The following BRCA2 variants were observed in gnomAD, a reference collection of about 807,000 sequenced individuals.
The protein encoded by BRCA2 is BRCA2 DNA repair associated.
A neutral mutation model predicts 276.7 loss-of-function variants in BRCA2; 203 were observed. That is an observed-to-expected ratio of 0.73 (90% CI 0.65 to 0.82). The LOEUF (loss-of-function observed/expected upper bound fraction) is 0.82. BRCA2 is among the 40% of genes least tolerant of loss of function. The pLI is 0.00. For missense variants in BRCA2, 3,920 were observed against 3,915.0 expected (o/e 1.00, Z -0.03); for synonymous variants, 1,289 against 1,338.4 (o/e 0.96, Z 0.81).
At chr13:32,355,837 G>A (rs1183595447) in intron 14 of BRCA2, among the ~76,000 whole-genome samples, 6 of 151,884 alleles carry the variant, frequency 4.0e-5, no homozygotes, top group South Asian at 2.1e-4. Flanking sequence ...CCGAGATCGC[G>A]CCATTGCACT....
rs80358646 is a variant in BRCA2, at chr13:32,338,320, A to G, written c.3965A>G (p.Asn1322Ser). The G allele has an allele frequency of 1.3e-6, 2 of 1,585,318 alleles. No homozygotes were observed. The highest frequency in any genetic ancestry group is 2.2e-5 in the East Asian group (1 of 44,526). ...NYKRNTENEDNKYTAASRNSH... is the reference protein window; with the variant it reads ...NYKRNTENEDSKYTAASRNSH... ...AAGAGAAATACTGAAAATGAAGATA[A>G]CAAATATACTGCTGCCAGTAGAAAT... The change falls in exon 11 of 27, where the codon AAC (asparagine) becomes AGC (serine). Residue 1322 changes from asparagine (N) to serine (S), a missense_variant. Physicochemically the swap from Asn to Ser is conservative, Grantham distance 46. Transcript: ENST00000380152.
intron 24 of BRCA2, among the ~76,000 whole-genome samples, chr13:32,387,593 G>T (rs1420450321): frequency 6.6e-6 from 1 of 152,138 alleles, no homozygotes; most frequent in Non-Finnish European, 1.5e-5. Flanking sequence ...TGGATATTAC[G>T]CAGGCCTGCC....
At position 32,319,192 on chromosome 13, in the gene BRCA2, A is replaced by G. The variant is rs776638534; in HGVS notation, c.183A>G (p.Leu61=). 9 of 1,613,984 alleles carry G rather than the reference A, an allele frequency of 5.6e-6. No individual in the cohort carries two copies. In the African/African-American group the frequency reaches 1.1e-4, roughly 19 times the overall value. ...EHKNNNYEPN[L]FKTPQRKPSY... is the part of the protein sequence containing the mutation. ...AAAACAACAATTACGAACCAAACCT[A>G]TTTAAAACTCCACAAAGGAAACCAT... Residue 61 remains leucine (L), a synonymous_variant, in exon 3 of 27, where the codon CTA becomes CTG. Transcript: ENST00000380152.
chr13:32,385,715 GA>G, intron 24 of BRCA2: 1 of 191,318 alleles, frequency 5.2e-6, no homozygotes, highest in Admixed American at 5.3e-5. Context: ...GAACTGGCAG[GA>G]AAGTATATAG....
At chr13:32,315,078 A>T (rs762121872), upstream of BRCA2, among the ~76,000 whole-genome samples, 18 of 152,096 alleles carry the variant, frequency 1.2e-4, no homozygotes, top group Admixed American at 1.3e-4. Context: ...CCACACACCG[A>T]CCACTCTAAG....
chr13:32,319,364 A>G (rs2138706150), intron 3 of BRCA2, 39 bp downstream of exon 3: 1 of 1,573,458 alleles, frequency 6.4e-7, no homozygotes, highest in Non-Finnish European at 8.7e-7. Flanking sequence ...AGAACTACAA[A>G]CTAGGAATTT....
Position 32,340,085 on chromosome 13 carries a change from T to C in BRCA2, c.5730T>C (p.Asn1910=), listed in dbSNP as rs1555284381. The change falls in exon 11 of 27, where the codon AAT becomes AAC. Residue 1910 remains asparagine, a synonymous_variant. Transcript: ENST00000380152. ...ATATTCTTCATAACTCTCTAGATAA[T>C]GATGAATGTAGCACGCATTCACATA... The part of the protein sequence containing the change: ...SEDILHNSLD[N]DECSTHSHKV... 2 of 1,613,806 alleles carry C rather than the reference T, an allele frequency of 1.2e-6. No individual in the cohort carries two copies.
At chr13:32,361,045 G>A (rs1324917280) in intron 16 of BRCA2, among the ~76,000 whole-genome samples, 1 of 152,200 alleles carries the variant, frequency 6.6e-6, no homozygotes, top group Non-Finnish European at 1.5e-5. Context: ...AAGTGGAGAT[G>A]TTAGGTAGGC....
At chr13:32,389,707 C>A (rs1361076631) in intron 24 of BRCA2, among the ~76,000 whole-genome samples, 1 of 152,134 alleles carries the variant, frequency 6.6e-6, no homozygotes, top group Admixed American at 6.5e-5. Flanking sequence ...TGTGACATAA[C>A]CCCATCATAA....
At chr13:32,366,836 AT>A (rs2072785686) in intron 18 of BRCA2, among the ~76,000 whole-genome samples, 2 of 150,710 alleles carry the variant, frequency 1.3e-5, no homozygotes, top group African/African-American at 4.9e-5. Context: ...AAAAAAAAAA[AT>A]ATGCTTATTG....
chr13:32,346,385 T>TGATC (rs1429766870), intron 12 of BRCA2, among the ~76,000 whole-genome samples: 1 of 152,078 alleles, frequency 6.6e-6, no homozygotes, highest in Non-Finnish European at 1.5e-5. Context: ...ACATAGTAGT[T>TGATC]GATCATCTGG....
chr13:32,347,492 TCC>T (rs2072619915), intron 13 of BRCA2, among the ~76,000 whole-genome samples: 1 of 152,086 alleles, frequency 6.6e-6, no homozygotes, highest in Non-Finnish European at 1.5e-5. Context: ...CTATATTTCC[TCC>T]CCCACTGCAA....
Position 32,333,196 on chromosome 13 carries a change from C to G in BRCA2, c.1718C>G (p.Ala573Gly), listed in dbSNP as rs1262187089. Residue 573 changes from alanine to glycine, a missense_variant, in exon 10 of 27, where the codon GCT becomes GGT. Coordinates refer to ENST00000380152, the MANE Select transcript of BRCA2 (RefSeq NM_000059.4). ...WPATTTQNSV[A>G]LKNAGLISTL... ...GCCACCACCACACAGAATTCTGTAG[C>G]TTTGAAGAATGCAGGTTTAATATCC... 6.2e-7 allele frequency: 1 copy of G among 1,613,738 alleles called. No individual in the cohort carries two copies. The highest frequency in any genetic ancestry group is 1.7e-5 in the Admixed American group (1 of 60,000).
intron 21 of BRCA2, among the ~76,000 whole-genome samples, chr13:32,378,558 C>T (rs1011438789): frequency 6.6e-6 from 1 of 152,034 alleles, no homozygotes; most frequent in South Asian, 2.1e-4. Context: ...GGATAGTCTC[C>T]CTTTTCAGTA....
At position 32,340,976 on chromosome 13, in the gene BRCA2, A is replaced by G. The variant is rs1433893010; in HGVS notation, c.6621A>G (p.Thr2207=). The change falls in exon 11 of 27, where the codon ACA becomes ACG. Residue 2207 remains threonine (T), a synonymous_variant. Transcript: ENST00000380152. ...CTTTTTCTGATGTTCCTGTGAAAAC[A>G]AATATAGAAGTTTGTTCTACTTACT... is the stretch of plus-strand genomic sequence containing the variant. ...TETFSDVPVK[T]NIEVCSTYSK... 1.2e-6 allele frequency: 2 copies of G among 1,608,424 alleles called. No homozygotes were observed. The highest frequency in any genetic ancestry group is 3.4e-5 in the Admixed American group (2 of 58,700).
chr13:32,367,483 C>G (rs2072791875), intron 18 of BRCA2, among the ~76,000 whole-genome samples: 1 of 150,960 alleles, frequency 6.6e-6, no homozygotes, highest in Admixed American at 6.6e-5. Context: ...AAATTCATAA[C>G]AAATGATAAC....
chr13:32,358,911 G>A (rs941711522), intron 16 of BRCA2, among the ~76,000 whole-genome samples: 3 of 151,256 alleles, frequency 2.0e-5, no homozygotes, highest in Non-Finnish European at 4.4e-5. Flanking sequence ...TCCAGCCTGG[G>A]CAACAGAGCA....
chr13:32,343,924 T>G (rs2072591208), intron 11 of BRCA2, among the ~76,000 whole-genome samples: 1 of 152,144 alleles, frequency 6.6e-6, no homozygotes, highest in African/African-American at 2.4e-5. Flanking sequence ...TACAAATTTA[T>G]TCCCTGTAAT....
At position 32,337,084 on chromosome 13, in the gene BRCA2, A is replaced by G. The variant is rs760792501; in HGVS notation, c.2729A>G (p.His910Arg). The G allele has an allele frequency of 1.9e-6, 3 of 1,611,860 alleles. No homozygotes were observed. The highest frequency in any genetic ancestry group is 2.7e-5 in the African/African-American group (2 of 74,830). ...GCTTTAGGAAATACTAAGGAACTTC[A>G]TGAAACAGACTTGACTTGTGTAAAC... ...NLALGNTKEL[H>R]ETDLTCVNEP... The change falls in exon 11 of 27, where the codon CAT (histidine) becomes CGT (arginine). Residue 910 changes from histidine to arginine, a missense_variant. Physicochemically the swap from His to Arg is conservative, Grantham distance 29. This residue lies in a region of BRCA2 where 3,263 missense variants were observed against 3,156.9 expected (regional missense o/e 1.03). Coordinates refer to ENST00000380152, the MANE Select transcript of BRCA2 (RefSeq NM_000059.4).
Sources: allele counts gnomAD v4.1 joint callset (sites outside exome capture counted in the v4.1 genomes callset), GRCh38; gene constraint gnomAD v4.1.1; regional missense constraint gnomAD v4.1.1; transcripts MANE v1.5; gene names NCBI Gene and HGNC (gene_info 2026-07-23, HGNC 2026-07-21).